JARID2: variants seen among roughly 807,000 people sequenced by gnomAD.
JARID2 encodes protein Jumonji.
Under a neutral mutation model 125.6 loss-of-function variants are expected in JARID2, and 21 were observed. The observed-to-expected ratio is 0.17, with a 90% CI of 0.12 to 0.24. JARID2 has a LOEUF of 0.24. Ranked by LOEUF, JARID2 falls within the 10% of genes least tolerant of loss-of-function variation. JARID2 has a pLI of 1.00. For missense variants in JARID2, 1,303 were observed against 1,639.6 expected (o/e 0.79, Z 3.55); for synonymous variants, 736 against 661.6 (o/e 1.11, Z -1.73).
chr6:15,338,557 G>A (rs1405583322), intron 1 of JARID2, among the ~76,000 whole-genome samples: 1 of 152,170 alleles, frequency 6.6e-6, no homozygotes, highest in Non-Finnish European at 1.5e-5. Flanking sequence ...GACCTTTGCC[G>A]ACAATATAGG....
rs1770699473 is a variant in JARID2 at position 15,500,833 on chromosome 6, C to T, written c.1946-74C>T. ...GCTCATAGTAGGAGTTCAAGAAGTACAGGTTGAATGAGGAACATCTTGTTC... is the reference window on the plus strand; with the variant it reads ...GCTCATAGTAGGAGTTCAAGAAGTATAGGTTGAATGAGGAACATCTTGTTC... On this transcript the variant is annotated intron_variant, in intron 7 of 17. Transcript: ENST00000341776. 6 of 1,316,522 alleles carry T rather than the reference C, an allele frequency of 4.6e-6. No individual in the cohort carries two copies. In the South Asian group the frequency reaches 8.2e-5, roughly 18 times the overall value. The allele number at this position is 1,316,522 out of a possible 1,614,324, so 81.6% of individuals were successfully genotyped here.
At position 15,364,044 on chromosome 6, in the gene JARID2, T is replaced by C. The variant is rs538047941; in HGVS notation, c.46-10073T>C. On this transcript the variant is annotated intron_variant, in intron 1 of 17. Transcript: ENST00000341776. Reference sequence around the variant, plus strand: ...AAAAATAAACTGGTGGTTTGTAATATAACATGACCAGAGATAACCAGTCTT... The same window carrying C: ...AAAAATAAACTGGTGGTTTGTAATACAACATGACCAGAGATAACCAGTCTT... 2.0e-5 allele frequency among the ~76,000 whole-genome samples: 3 copies of C among 152,340 alleles called. No individual in the cohort carries two copies. In the East Asian group the frequency reaches 5.8e-4, roughly 29 times the overall value.
At chr6:15,359,763 C>T (rs1763727506) in intron 1 of JARID2, among the ~76,000 whole-genome samples, 1 of 151,406 alleles carries the variant, frequency 6.6e-6, no homozygotes, top group Admixed American at 6.6e-5. Context: ...ATTGCAGTGG[C>T]ACAATCTCTG....
At chr6:15,276,766 GAGGAGA>G (rs1760538268) in intron 1 of JARID2, among the ~76,000 whole-genome samples, 1 of 152,164 alleles carries the variant, frequency 6.6e-6, no homozygotes, top group Non-Finnish European at 1.5e-5. Context: ...CTGGTCCTTG[GAGGAGA>G]GGTCCAGGCT....
rs1042132896 is a variant in JARID2, at chr6:15,417,167, G to A, written c.323+6802G>A. On this transcript the variant is annotated intron_variant, in intron 3 of 17. Coordinates refer to ENST00000341776, the MANE Select transcript of JARID2 (RefSeq NM_004973.4). ...ATCTGTGGGTGAGTAGGGGGAAGAG[G>A]GTAGAAAAATTTCACGAGAACAGTG... 2.6e-5 allele frequency among the ~76,000 whole-genome samples: 4 copies of A among 152,238 alleles called. No homozygotes were observed. The Middle Eastern group carries it at 0.014, about 518-fold the overall frequency.
chr6:15,351,003 A>G (rs1763410906), intron 1 of JARID2, among the ~76,000 whole-genome samples: 1 of 152,100 alleles, frequency 6.6e-6, no homozygotes, highest in Admixed American at 6.6e-5. Flanking sequence ...TCAAAGTAAA[A>G]AAAAAAAAAG....
chr6:15,517,373 G>A, intron 17 of JARID2, 105 bp downstream of exon 17: 1 of 788,318 alleles, frequency 1.3e-6, no homozygotes, highest in Non-Finnish European at 2.2e-6. Context: ...CTGGCGGGTA[G>A]TCAGGGCTCT....
chr6:15,352,165 G>A (rs17575737), intron 1 of JARID2, among the ~76,000 whole-genome samples: 4,349 of 151,988 alleles, frequency 0.029, 110 homozygotes, highest in South Asian at 0.11. Context: ...TTAGTTTCTT[G>A]AACCCAAATT....
At chr6:15,383,059 T>G (rs1188999939) in intron 2 of JARID2, among the ~76,000 whole-genome samples, 3 of 152,058 alleles carry the variant, frequency 2.0e-5, no homozygotes, top group Admixed American at 1.3e-4. Context: ...CAGTCTGAGC[T>G]CTAGTTGGGC....
chr6:15,270,227 G>T (rs1217572954), intron 1 of JARID2, among the ~76,000 whole-genome samples: 1 of 152,116 alleles, frequency 6.6e-6, no homozygotes, highest in Non-Finnish European at 1.5e-5. Flanking sequence ...CCACCTCCTG[G>T]GTTCACGCGA....
chr6:15,363,961 C>T (rs1400279039), intron 1 of JARID2, among the ~76,000 whole-genome samples: 1 of 152,098 alleles, frequency 6.6e-6, no homozygotes, highest in African/African-American at 2.4e-5. Context: ...ATGTTAAGTC[C>T]AAGGACAGAG....
chr6:15,483,387 T>A (rs1260202284), intron 5 of JARID2, among the ~76,000 whole-genome samples: 6 of 84,180 alleles, frequency 7.1e-5, no homozygotes, highest in Admixed American at 4.1e-4. Context: ...TGAAACTGGC[T>A]GTTTTTTTTT....
intron 1 of JARID2, among the ~76,000 whole-genome samples, chr6:15,269,402 A>T (rs933777947): frequency 6.6e-6 from 1 of 152,118 alleles, no homozygotes; most frequent in African/African-American, 2.4e-5. Flanking sequence ...TCTGTTGCCC[A>T]GGCTGGCGTG....
At chr6:15,333,501 C>T (rs967774743) in intron 1 of JARID2, among the ~76,000 whole-genome samples, 1 of 152,118 alleles carries the variant, frequency 6.6e-6, no homozygotes, top group African/African-American at 2.4e-5. Context: ...TTATGTTTCT[C>T]CATGTTCCGT....
intron 1 of JARID2, among the ~76,000 whole-genome samples, chr6:15,301,249 A>G (rs1761613483): frequency 6.6e-6 from 1 of 152,192 alleles, no homozygotes; most frequent in African/African-American, 2.4e-5. Context: ...CTTCTTTACT[A>G]TAAAATTTTT....
chr6:15,486,806 C>CTTTTTTTTTTTTT lies in JARID2; in HGVS notation c.671-495_671-483dup, dbSNP rs56268949. 7.5e-3 allele frequency among the ~76,000 whole-genome samples: 757 copies of CTTTTTTTTTTTTT among 100,452 alleles called. 121 individuals are homozygous for CTTTTTTTTTTTTT. The highest frequency in any genetic ancestry group is 0.028 in the African/African-American group (592 of 20,868). 65.9% of individuals were successfully genotyped at this position (100,452 alleles called of 152,430 possible). On this transcript the variant is annotated intron_variant, in intron 5 of 17. Coordinates refer to ENST00000341776, the MANE Select transcript of JARID2 (RefSeq NM_004973.4). ...CATCTCTTTTAAATCTGAGAATAGA[C>CTTTTTTTTTTTTT]TTTTTTTTTTTTTTTTTTGAGACAG... is the stretch of plus-strand genomic sequence containing the variant.
At chr6:15,268,001 A>T (rs1025078186) in intron 1 of JARID2, among the ~76,000 whole-genome samples, 1 of 152,142 alleles carries the variant, frequency 6.6e-6, no homozygotes. Context: ...ACAACCCCAC[A>T]CCCCAGAACA....
At chr6:15,361,097 G>T (rs1342480250) in intron 1 of JARID2, among the ~76,000 whole-genome samples, 1 of 152,140 alleles carries the variant, frequency 6.6e-6, no homozygotes, top group East Asian at 1.9e-4. Flanking sequence ...AAATTCAGTG[G>T]AGGTGACTCC....
chr6:15,255,745 T>TTG (rs745929003), intron 1 of JARID2, among the ~76,000 whole-genome samples: 94 of 152,334 alleles, frequency 6.2e-4, no homozygotes, highest in Non-Finnish European at 9.4e-4. Context: ...CATGTGTTTC[T>TTG]TGCATTTAGT....
Sources: gnomAD v4.1 joint callset for allele counts (sites outside exome capture counted in the v4.1 genomes callset) on GRCh38, gnomAD v4.1.1 for gene constraint, MANE v1.5 for transcripts, NCBI Gene and HGNC (gene_info 2026-07-23, HGNC 2026-07-21) for gene names.